The following EFNB2 variants were observed in gnomAD, a reference collection of about 807,000 sequenced individuals.
The protein encoded by EFNB2 is ephrin B2.
EFNB2 carries 5 observed loss-of-function variants against 32.1 expected under a neutral mutation model. The ratio of observed to expected loss-of-function variants is 0.16; its 90% CI spans 0.08 to 0.33. EFNB2 has a LOEUF of 0.33. EFNB2 is among the 10% of genes least tolerant of loss of function. The pLI is 1.00. For missense variants in EFNB2, 263 were observed against 422.6 expected, an observed-to-expected ratio of 0.62 and a Z score of 3.31; for synonymous variants, 168 against 166.5, an observed-to-expected ratio of 1.01 and a Z score of -0.07.
At chr13:106,516,444 T>A (rs899714633) in intron 1 of EFNB2, 2 of 152,212 alleles carry the variant, frequency 1.3e-5, no homozygotes, top group African/African-American at 4.8e-5. Flanking sequence ...ATACATCCCA[T>A]GTTCTTCATT....
chr13:106,493,177 T>C lies in EFNB2; in HGVS notation c.865A>G (p.Ile289Val). 3.1e-6 allele frequency: 5 copies of C among 1,614,198 alleles called. No homozygotes were observed. Among genetic ancestry groups the C allele is most frequent in the South Asian group, 2.2e-5 (2 of 91,086 alleles). ...GNNNGSEPSD[I>V]IIPLRTADSV... is the part of the protein sequence containing the mutation. ...TCCGCAGTCCTTAGCGGGATGATAATGTCACTGGGCTCTGAGCCGTTGTTG... is the reference window on the plus strand; with the variant it reads ...TCCGCAGTCCTTAGCGGGATGATAACGTCACTGGGCTCTGAGCCGTTGTTG... Residue 289 changes from isoleucine to valine, a missense_variant, in exon 5 of 5, where the codon ATT becomes GTT. Physicochemically the swap from Ile to Val is conservative, Grantham distance 29 (BLOSUM62 3). Around this residue, in one of 3 missense-constraint regions of EFNB2, gnomAD observed 172 missense variants for 237.1 expected, o/e 0.73. Transcript: ENST00000646441. This position sits in a 1 kb window ranked among gnomAD's most constrained non-coding sequence, Gnocchi z 6.1.
intron 1 of EFNB2, chr13:106,520,514 G>A (rs1226071873): frequency 1.3e-5 from 2 of 152,214 alleles, no homozygotes; most frequent in African/African-American, 4.8e-5. Flanking sequence ...TTTCCGAAGT[G>A]CTCTGTGCAC....
intron 1 of EFNB2, among the ~76,000 whole-genome samples, chr13:106,527,457 T>C (rs144367479): frequency 1.3e-4 from 20 of 152,302 alleles, no homozygotes; most frequent in African/African-American, 4.6e-4. Context: ...CTGTCCACTT[T>C]TTCTTCCTAT....
At position 106,491,365 on chromosome 13, in the gene EFNB2, C is replaced by T. The variant is rs538843393; in HGVS notation, c.*1675G>A. The T allele has an allele frequency of 6.6e-6, 1 of 152,624 alleles. No homozygotes were observed. The highest frequency in any genetic ancestry group is 1.5e-5 in the Non-Finnish European group (1 of 68,028). 9.5% of individuals were successfully genotyped at this position (152,624 alleles called of 1,614,324 possible). On this transcript the variant is annotated 3_prime_UTR_variant, in exon 5 of 5. Transcript: ENST00000646441. ...TTCTTTTTGGAATGATGTTGTTTTT[C>T]CCAGAAGTAGCTGTCCAATTTGTTT...
At chr13:106,512,447 A>C in intron 2 of EFNB2, 82 bp downstream of exon 2, 1 of 1,010,002 alleles carries the variant, frequency 9.9e-7, no homozygotes, top group Non-Finnish European at 1.3e-6. Context: ...TGTCACAATA[A>C]TTTTAAGGAA....
intron 2 of EFNB2, among the ~76,000 whole-genome samples, chr13:106,505,013 T>C (rs1878904559): frequency 6.6e-6 from 1 of 152,226 alleles, no homozygotes; most frequent in Non-Finnish European, 1.5e-5. Flanking sequence ...ATTGCCACTA[T>C]AACCACCTTT....
rs1489468284 is a variant in EFNB2, at chr13:106,490,523, AAACGTAGCC to A, written c.*2508_*2516del. On this transcript the variant is annotated 3_prime_UTR_variant, in exon 5 of 5. Transcript: ENST00000646441. ...TTTTTCACAGTTTAGCATAGAACCA[AAACGTAGCC>A]AACTGATGATACATACATTTGATTT... 2.0e-5 allele frequency: 3 copies of A among 152,298 alleles called. No individual in the cohort carries two copies. Among genetic ancestry groups the A allele is most frequent in the African/African-American group, 7.2e-5 (3 of 41,562 alleles). The allele number at this position is 152,298 out of a possible 1,614,324, so 9.4% of individuals were successfully genotyped here.
At chr13:106,501,203 T>C (rs1445218812) in intron 2 of EFNB2, among the ~76,000 whole-genome samples, 2 of 152,204 alleles carry the variant, frequency 1.3e-5, no homozygotes, top group Admixed American at 1.3e-4. Context: ...GAAGAAAAGT[T>C]CTAAACATGG....
chr13:106,535,014 G>C lies in EFNB2; in HGVS notation c.-50C>G, dbSNP rs1377049709. 1.9e-6 allele frequency: 3 copies of C among 1,605,392 alleles called. No individual in the cohort carries two copies. Among genetic ancestry groups the C allele is most frequent in the Non-Finnish European group, 2.6e-6 (3 of 1,176,176 alleles). ...CACTCCGGGCCAAGAAGGGACTGAC[G>C]GGACGCAGGCTGGGACCCCCAATCC... is the stretch of plus-strand genomic sequence containing the variant. On this transcript the variant is annotated 5_prime_UTR_variant, in exon 1 of 5. Coordinates refer to ENST00000646441, the MANE Select transcript of EFNB2 (RefSeq NM_004093.4).
intron 2 of EFNB2, 28 bp downstream of exon 2, chr13:106,512,501 T>A (rs780241567): frequency 3.3e-5 from 46 of 1,414,212 alleles, no homozygotes; most frequent in Non-Finnish European, 4.3e-5. Context: ...TTAATTTCTA[T>A]AAAATAAATG....
chr13:106,499,903 TG>T (rs1409040959), intron 2 of EFNB2, among the ~76,000 whole-genome samples: 1 of 152,160 alleles, frequency 6.6e-6, no homozygotes, highest in African/African-American at 2.4e-5. Context: ...TAATTTCCAG[TG>T]GGTAGAGATT....
intron 3 of EFNB2, 68 bp from the exon 4 acceptor site, chr13:106,495,062 A>G (rs113022243): frequency 1.1e-5 from 14 of 1,241,990 alleles, no homozygotes; most frequent in Non-Finnish European, 1.7e-5. Flanking sequence ...GGAGCTGCAT[A>G]TATATTTCAA....
chr13:106,510,578 TC>T lies in EFNB2; in HGVS notation c.406+1950del, dbSNP rs915384822. Among the ~76,000 whole-genome samples, 106 of 141,000 alleles carry T rather than the reference TC, an allele frequency of 7.5e-4. 1 individual carries two copies. Among genetic ancestry groups the T allele is most frequent in the Middle Eastern group, 6.9e-3 (2 of 288 alleles). The allele number at this position is 141,000 out of a possible 152,430, so 92.5% of individuals were successfully genotyped here. On this transcript the variant is annotated intron_variant, in intron 2 of 4. Transcript: ENST00000646441. ...CCTAGGGCATCTCATCTCTAGTGTG[TC>T]CCCTCTTCCCGTACCACGACCTTCT...
intron 2 of EFNB2, among the ~76,000 whole-genome samples, chr13:106,497,558 T>C (rs1317123026): frequency 1.3e-5 from 2 of 152,314 alleles, no homozygotes; most frequent in African/African-American, 4.8e-5. Context: ...TTTTTTATTA[T>C]ACTTTAAGTT....
chr13:106,496,911 G>A (rs536329616), intron 2 of EFNB2, among the ~76,000 whole-genome samples: 3 of 152,266 alleles, frequency 2.0e-5, no homozygotes, highest in South Asian at 2.1e-4. Flanking sequence ...AGTTCAAGGG[G>A]CAAGGAACAA....
At chr13:106,526,778 T>A (rs1879715068) in intron 1 of EFNB2, among the ~76,000 whole-genome samples, 1 of 152,186 alleles carries the variant, frequency 6.6e-6, no homozygotes, top group South Asian at 2.1e-4. Context: ...GGGCAAATGT[T>A]TTAGGGCCAT....
At chr13:106,521,602 T>C (rs1386502696) in intron 1 of EFNB2, 2 of 152,212 alleles carry the variant, frequency 1.3e-5, no homozygotes, top group Non-Finnish European at 2.9e-5. Flanking sequence ...GTCAAAATAA[T>C]ATTAAATTTC....
rs1199477496 is a variant in EFNB2 at position 106,492,968 on chromosome 13, C to T, written c.*72G>A. 20 of 1,524,856 alleles carry T rather than the reference C, an allele frequency of 1.3e-5. No individual in the cohort carries two copies. The highest frequency in any genetic ancestry group is 1.8e-5 in the Non-Finnish European group (20 of 1,137,562). 94.5% of individuals were successfully genotyped at this position (1,524,856 alleles called of 1,614,324 possible). On this transcript the variant is annotated 3_prime_UTR_variant, in exon 5 of 5. Coordinates refer to ENST00000646441, the MANE Select transcript of EFNB2 (RefSeq NM_004093.4). This position sits in a 1 kb window ranked among gnomAD's most constrained non-coding sequence, Gnocchi z 5.1. Reference sequence around the variant, plus strand: ...CAGTCAATTCTCCAGCACGCGGGCTCTCAAACCCTCAAGGGAGGCATCGGG... The same window carrying T: ...CAGTCAATTCTCCAGCACGCGGGCTTTCAAACCCTCAAGGGAGGCATCGGG...
intron 4 of EFNB2, 41 bp downstream of exon 4, chr13:106,494,840 G>A (rs1878535554): frequency 6.8e-7 from 1 of 1,462,692 alleles, no homozygotes; most frequent in African/African-American, 1.4e-5. Flanking sequence ...TAAGAATGTG[G>A]TACCCACAGA....
Sources: allele counts gnomAD v4.1 joint callset (sites outside exome capture counted in the v4.1 genomes callset), GRCh38; gene constraint gnomAD v4.1.1; regional missense constraint gnomAD v4.1.1; non-coding constraint Gnocchi (gnomAD v3.1); transcripts MANE v1.5; gene names NCBI Gene and HGNC (gene_info 2026-07-23, HGNC 2026-07-21).